PBK: variants seen among roughly 807,000 people sequenced by gnomAD.
PBK encodes the protein lymphokine-activated killer T-cell-originated protein kinase.
Under a neutral mutation model 33.5 loss-of-function variants are expected in PBK, and 22 were observed. That is an observed-to-expected ratio of 0.66 (90% confidence interval 0.47 to 0.94). The LOEUF is 0.94. Ranked by LOEUF, PBK falls within the 40% of genes least tolerant of loss-of-function variation. The pLI, the probability that PBK is intolerant of heterozygous loss-of-function variation, is 0.00. For synonymous variants in PBK, 129 were observed against 123.8 expected, an observed-to-expected ratio of 1.04 and a Z score of -0.28; for missense variants, 376 against 383.4, an observed-to-expected ratio of 0.98 and a Z score of 0.16.
At chr8:27,812,085 T>C (rs1805697955) in intron 6 of PBK, 1 of 152,148 alleles carries the variant, frequency 6.6e-6, no homozygotes, top group South Asian at 2.1e-4. Context: ...TTGCCTTATT[T>C]TAGTGGCTAG....
At position 27,823,722 on chromosome 8, in the gene PBK, T is replaced by C. The variant is rs191864402; in HGVS notation, c.153-517A>G. ...ACCTTTTACCACATGCTCAAAGATA[T>C]GTGCTTAAGGAGATAATGATGAACA... is the stretch of plus-strand genomic sequence containing the variant. On this transcript the variant is annotated intron_variant, in intron 3 of 7. Transcript: ENST00000301905. 4.3e-4 allele frequency among the ~76,000 whole-genome samples: 66 copies of C among 152,210 alleles called. No homozygotes were observed. The East Asian group carries it at 0.012, about 28-fold the overall frequency.
chr8:27,814,229 T>G (rs1004872772), intron 6 of PBK, among the ~76,000 whole-genome samples: 1 of 152,212 alleles, frequency 6.6e-6, no homozygotes, highest in Admixed American at 6.5e-5. Context: ...CATAGGGCTA[T>G]GTGGATTTCC....
chr8:27,820,841 T>TTA, intron 5 of PBK, 147 bp from the exon 6 acceptor site: 4 of 441,466 alleles, frequency 9.1e-6, no homozygotes, highest in South Asian at 3.4e-5. Flanking sequence ...TTTTTTTTTT[T>TTA]AAAACGGAGT....
chr8:27,817,077 A>G (rs1805832055), intron 6 of PBK, among the ~76,000 whole-genome samples: 2 of 152,172 alleles, frequency 1.3e-5, no homozygotes, highest in South Asian at 4.1e-4. Flanking sequence ...CCCTGAGCAT[A>G]TGCCTGGTGT....
At chr8:27,825,038 C>G in intron 3 of PBK, among the ~76,000 whole-genome samples, 1 of 152,032 alleles carries the variant, frequency 6.6e-6, no homozygotes, top group Non-Finnish European at 1.5e-5. Context: ...TACAAGCCAG[C>G]AAGAATGGAA....
chr8:27,833,158 T>C, intron 1 of PBK, 25 bp from the exon 2 acceptor site: 1 of 1,223,818 alleles, frequency 8.2e-7, no homozygotes, highest in Non-Finnish European at 1.2e-6. Context: ...AATTGCAAGT[T>C]ACACAGCAGA....
intron 2 of PBK, among the ~76,000 whole-genome samples, chr8:27,830,110 G>A (rs1228774508): frequency 6.6e-6 from 1 of 150,822 alleles, no homozygotes; most frequent in Non-Finnish European, 1.5e-5. Context: ...GGCTGAGGCA[G>A]GATAATTGCT....
chr8:27,811,832 G>C (rs950113700), intron 6 of PBK: 3 of 152,218 alleles, frequency 2.0e-5, no homozygotes, highest in Admixed American at 6.5e-5. Flanking sequence ...ATGCTTTATA[G>C]TATTCATTAC....
rs1478119675 is a variant in PBK at position 27,811,054 on chromosome 8, C to T, written c.676G>A (p.Asp226Asn). ...CCAAAGGCAAATATGTCTGCCTTGT[C>T]AGTAATAACACCATTCTCCTCCACA... is the stretch of plus-strand genomic sequence containing the variant. ...EAVEENGVIT[D>N]KADIFAFGLT... The change falls in exon 7 of 8, where the codon GAC becomes AAC. Residue 226 changes from aspartate to asparagine, a missense_variant. Transcript: ENST00000301905. 1 of 1,612,308 alleles carries T rather than the reference C, an allele frequency of 6.2e-7. No homozygotes were observed. Among genetic ancestry groups the T allele is most frequent in the Admixed American group, 1.7e-5 (1 of 60,010 alleles).
intron 6 of PBK, among the ~76,000 whole-genome samples, chr8:27,817,500 A>C (rs540803410): frequency 3.0e-4 from 45 of 152,150 alleles, no homozygotes; most frequent in African/African-American, 9.1e-4. Context: ...TAGGATTATT[A>C]ACTGTTTTTG....
intron 6 of PBK, among the ~76,000 whole-genome samples, chr8:27,819,920 C>G (rs747710265): frequency 1.3e-4 from 20 of 152,078 alleles, no homozygotes; most frequent in Non-Finnish European, 2.5e-4. Context: ...AACTTGTAAA[C>G]TTTTACTTCA....
In PBK at chr8:27,815,374, A is replaced by T. The variant is rs764846744; in HGVS notation, c.596-4240T>A. Among the ~76,000 whole-genome samples, 28 of 152,202 alleles carry T rather than the reference A, an allele frequency of 1.8e-4. 1 individual carries two copies. The highest frequency in any genetic ancestry group is 3.5e-4 in the Non-Finnish European group (24 of 68,028). ...TACCCAGTACCAGCAGGCAAGAAGG[A>T]AAGATGAGTGGTGTCTCTATGGTAG... is the stretch of plus-strand genomic sequence containing the variant. On this transcript the variant is annotated intron_variant, in intron 6 of 7. Coordinates refer to ENST00000301905, the MANE Select transcript of PBK (RefSeq NM_018492.4).
intron 7 of PBK, 85 bp from the exon 8 acceptor site, chr8:27,810,586 A>AGG: frequency 1.4e-6 from 1 of 734,074 alleles, no homozygotes; most frequent in Admixed American, 2.6e-5. Flanking sequence ...TCCTGAAACA[A>AGG]GAATTTATGG....
chr8:27,837,451 G>A (rs1318779021), intron 1 of PBK, among the ~76,000 whole-genome samples: 2 of 152,174 alleles, frequency 1.3e-5, no homozygotes, highest in Admixed American at 6.5e-5. Context: ...TGACTCTCAG[G>A]TCCTCTGCAT....
At position 27,829,310 on chromosome 8, in the gene PBK, AC is replaced by A. The variant is rs201979653; in HGVS notation, c.59-1113del. 5.0e-3 allele frequency among the ~76,000 whole-genome samples: 761 copies of A among 152,312 alleles called. 19 individuals carry two copies. The East Asian group carries it at 0.097, about 19-fold the overall frequency. ...AGCTAGAGGATGGTAACCCTGTAACACATAGTAAAGTCCTCTAAAGGGTCAC... is the reference window on the plus strand; with the variant it reads ...AGCTAGAGGATGGTAACCCTGTAACAATAGTAAAGTCCTCTAAAGGGTCAC... On this transcript the variant is annotated intron_variant, in intron 2 of 7. Coordinates refer to ENST00000301905, the MANE Select transcript of PBK (RefSeq NM_018492.4).
Position 27,810,340 on chromosome 8 carries a change from C to T in PBK, c.934G>A (p.Ala312Thr). 1 of 1,612,670 alleles carries T rather than the reference C, an allele frequency of 6.2e-7. No individual in the cohort carries two copies. The highest frequency in any genetic ancestry group is 8.5e-7 in the Non-Finnish European group (1 of 1,178,774). Residue 312 changes from alanine to threonine, a missense_variant, in exon 8 of 8, where the codon GCA becomes ACA. Coordinates refer to ENST00000301905, the MANE Select transcript of PBK (RefSeq NM_018492.4). ...GTTTCCAGAGCTTCAACAATGTGTGCAGCAGAAGGACGATCTTTAGGGTCT... is the reference window on the plus strand; with the variant it reads ...GTTTCCAGAGCTTCAACAATGTGTGTAGCAGAAGGACGATCTTTAGGGTCT... ...NEDPKDRPSA[A>T]HIVEALETDV
At chr8:27,820,239 G>A (rs77267547) in intron 6 of PBK, among the ~76,000 whole-genome samples, 89 of 152,142 alleles carry the variant, frequency 5.8e-4, no homozygotes, top group Non-Finnish European at 1.0e-3. Flanking sequence ...TAAATAAACC[G>A]CTTTACACAA....
intron 5 of PBK, 94 bp from the exon 6 acceptor site, chr8:27,820,788 C>CT: frequency 9.0e-6 from 6 of 664,238 alleles, no homozygotes; most frequent in Non-Finnish European, 1.5e-5. Flanking sequence ...AACTCCCTTC[C>CT]TAAACTCTAG....
chr8:27,834,428 G>A (rs1806190367), intron 1 of PBK, among the ~76,000 whole-genome samples: 1 of 152,198 alleles, frequency 6.6e-6, no homozygotes, highest in South Asian at 2.1e-4. Context: ...CAGAATGACT[G>A]CCAGTGGGTA....
Sources: gnomAD v4.1 joint callset for allele counts (sites outside exome capture counted in the v4.1 genomes callset) on GRCh38, gnomAD v4.1.1 for gene constraint, MANE v1.5 for transcripts, NCBI Gene and HGNC (gene_info 2026-07-23, HGNC 2026-07-21) for gene names.